SLC26A4: variants seen among roughly 807,000 people sequenced by gnomAD.
The protein encoded by SLC26A4 is pendrin.
A neutral mutation model predicts 90.4 loss-of-function variants in SLC26A4; 93 were observed. The observed-to-expected ratio is 1.03, with a 90% CI of 0.87 to 1.22. The LOEUF (loss-of-function observed/expected upper bound fraction) is 1.22. SLC26A4 is among the 50% of genes most tolerant of loss of function. The pLI is 0.00. For missense variants in SLC26A4, 1,127 were observed against 946.2 expected (o/e 1.19, Z -2.51); for synonymous variants, 393 against 354.6 (o/e 1.11, Z -1.22).
At chr7:107,667,396 G>A (rs374222613) in intron 3 of SLC26A4, among the ~76,000 whole-genome samples, 2 of 146,644 alleles carry the variant, frequency 1.4e-5, no homozygotes, top group Non-Finnish European at 3.0e-5. Context: ...AGAAAGCCTG[G>A]CGCAGGAAGT....
chr7:107,691,617 G>A (rs1042815056), intron 10 of SLC26A4, among the ~76,000 whole-genome samples: 3 of 151,400 alleles, frequency 2.0e-5, no homozygotes, highest in Non-Finnish European at 2.9e-5. Context: ...CTCCAACAGT[G>A]ACTTGCCCAG....
chr7:107,664,904 T>G (rs1027982734), intron 3 of SLC26A4, among the ~76,000 whole-genome samples: 10 of 152,280 alleles, frequency 6.6e-5, no homozygotes, highest in African/African-American at 2.4e-4. Flanking sequence ...TTATAATTTG[T>G]GAAACACCTA....
At chr7:107,686,291 C>A (rs1235569366) in intron 8 of SLC26A4, among the ~76,000 whole-genome samples, 1 of 83,200 alleles carries the variant, frequency 1.2e-5, no homozygotes, top group African/African-American at 4.6e-5. Context: ...CCCTCCCTTT[C>A]CTACCTTCCC....
chr7:107,681,354 G>T (rs1482375315), intron 6 of SLC26A4, among the ~76,000 whole-genome samples: 2 of 152,006 alleles, frequency 1.3e-5, no homozygotes, highest in African/African-American at 2.4e-5. Flanking sequence ...GAGAGCTGAG[G>T]TTGCTGGCAA....
At chr7:107,680,420 T>C (rs1045874564) in intron 6 of SLC26A4, among the ~76,000 whole-genome samples, 3 of 145,068 alleles carry the variant, frequency 2.1e-5, no homozygotes, top group Admixed American at 7.0e-5. Context: ...TATAATCTTA[T>C]ATTATTATAT....
Position 107,716,954 on chromosome 7 carries a change from G to A in SLC26A4, c.*1508G>A, listed in dbSNP as rs971598540. On this transcript the variant is annotated 3_prime_UTR_variant, in exon 21 of 21. Transcript: ENST00000644269. ...ATAGGATTAATGATCATACAAATGG[G>A]TTAATCCTGAATTCTGGTTGTAAAT... is the stretch of plus-strand genomic sequence containing the variant. 6 of 152,204 alleles carry A rather than the reference G, an allele frequency of 3.9e-5. No homozygotes were observed. The highest frequency in any genetic ancestry group is 3.3e-4 in the Admixed American group (5 of 15,280). The allele number at this position is 152,204 out of a possible 1,614,324, so 9.4% of individuals were successfully genotyped here.
chr7:107,663,485 CT>C (rs1423137834), intron 3 of SLC26A4, 50 bp downstream of exon 3: 4 of 1,602,898 alleles, frequency 2.5e-6, no homozygotes, highest in Non-Finnish European at 2.6e-6. Context: ...GAGTTTAACA[CT>C]TCTCCCCAGC....
chr7:107,679,033 G>A (rs1487698990), intron 6 of SLC26A4, among the ~76,000 whole-genome samples: 1 of 152,152 alleles, frequency 6.6e-6, no homozygotes, highest in Admixed American at 6.5e-5. Context: ...AAATAGGGGA[G>A]AAAATATTAG....
At position 107,715,775 on chromosome 7, in the gene SLC26A4, C is replaced by T; in HGVS notation, c.*329C>T. 1 of 384,438 alleles carries T rather than the reference C, an allele frequency of 2.6e-6. No homozygotes were observed. The highest frequency in any genetic ancestry group is 4.4e-5 in the East Asian group (1 of 22,552). The allele number at this position is 384,438 out of a possible 1,614,324, so 23.8% of individuals were successfully genotyped here. A position where few individuals can be genotyped will look rare whatever the true frequency, so the allele number is the denominator to read the frequency against. On this transcript the variant is annotated 3_prime_UTR_variant, in exon 21 of 21. Coordinates refer to ENST00000644269, the MANE Select transcript of SLC26A4 (RefSeq NM_000441.2). Reference sequence around the variant, plus strand: ...GTTAGAGTGAGTGCTGACCCAACAGCCTCTGTGGTCAAGCGAGTCACGAAT... The same window carrying T: ...GTTAGAGTGAGTGCTGACCCAACAGTCTCTGTGGTCAAGCGAGTCACGAAT...
chr7:107,713,569 G>A lies in SLC26A4; in HGVS notation c.2319+947G>A, dbSNP rs116167697. On this transcript the variant is annotated intron_variant, in intron 20 of 20. Transcript: ENST00000644269. ...TCCTTCTATTCCTTACAAACAAGCA[G>A]TCAGTGCTTCTCTGGTCACGATGGG... 8.9e-3 allele frequency among the ~76,000 whole-genome samples: 1,348 copies of A among 152,276 alleles called. 20 individuals carry two copies. Among genetic ancestry groups the A allele is most frequent in the African/African-American group, 0.031 (1,269 of 41,550 alleles).
intron 18 of SLC26A4, among the ~76,000 whole-genome samples, chr7:107,706,611 C>T (rs543542181): frequency 2.5e-4 from 38 of 152,296 alleles, no homozygotes; most frequent in African/African-American, 7.0e-4. Context: ...CAGGAAGGAA[C>T]GACTTTTTAT....
In SLC26A4 at chr7:107,705,082, G is replaced by A. The variant is rs188142910; in HGVS notation, c.2089+697G>A. 7.2e-5 allele frequency among the ~76,000 whole-genome samples: 11 copies of A among 152,290 alleles called. No homozygotes were observed. In the East Asian group the frequency reaches 1.7e-3, roughly 24 times the overall value. The stretch of plus-strand genomic sequence containing the variant: ...AAGGCTGCTCTACTCCTTCGTTCTG[G>A]CTACTAAAAGCTGCAAAGCTCTGGG... On this transcript the variant is annotated intron_variant, in intron 18 of 20. Transcript: ENST00000644269.
intron 6 of SLC26A4, among the ~76,000 whole-genome samples, chr7:107,679,098 A>G (rs1791104681): frequency 1.3e-5 from 2 of 152,262 alleles, no homozygotes; most frequent in Admixed American, 6.5e-5. Flanking sequence ...TGTAGGAGGC[A>G]GAAGGGAGAA....
chr7:107,679,300 G>A (rs1243070468), intron 6 of SLC26A4, among the ~76,000 whole-genome samples: 1 of 152,062 alleles, frequency 6.6e-6, no homozygotes, highest in Non-Finnish European at 1.5e-5. Flanking sequence ...TTGTTACTTT[G>A]TACCTATTTC....
intron 3 of SLC26A4, 25 bp from the exon 4 acceptor site, chr7:107,672,112 TG>T: frequency 7.1e-7 from 1 of 1,414,496 alleles, no homozygotes; most frequent in Non-Finnish European, 1.0e-6. Context: ...GGTTTGTGAA[TG>T]TAATCACTTT....
In SLC26A4 at chr7:107,663,612, G is replaced by A. The variant is rs138011270; in HGVS notation, c.304+177G>A. On this transcript the variant is annotated intron_variant, in intron 3 of 20. Coordinates refer to ENST00000644269, the MANE Select transcript of SLC26A4 (RefSeq NM_000441.2). ...CCCCTTCCTTAGAGTTCTCTTCCTG[G>A]GAAACTGCTGCCCCACTAGGTGCAG... Among the ~76,000 whole-genome samples the A allele has an allele frequency of 2.6e-5, 4 of 152,202 alleles. No homozygotes were observed. The East Asian group carries it at 7.7e-4, about 29-fold the overall frequency.
At position 107,703,872 on chromosome 7, in the gene SLC26A4, C is replaced by T. The variant is rs563642941; in HGVS notation, c.2035-459C>T. On this transcript the variant is annotated intron_variant, in intron 17 of 20. Transcript: ENST00000644269. The stretch of plus-strand genomic sequence containing the variant: ...GGAATAATATTTAGATCCTATATAC[C>T]CCTTACCCAGTTTCTCCCAATGAGT... 4.7e-4 allele frequency among the ~76,000 whole-genome samples: 71 copies of T among 152,118 alleles called. 1 individual carries two copies. In the South Asian group the frequency reaches 0.014, roughly 30 times the overall value.
Position 107,700,099 on chromosome 7 carries a change from G to A in SLC26A4, c.1631G>A (p.Gly544Glu), listed in dbSNP as rs1791845016. 1 of 1,567,516 alleles carries A rather than the reference G, an allele frequency of 6.4e-7. No homozygotes were observed. The highest frequency in any genetic ancestry group is 8.8e-7 in the Non-Finnish European group (1 of 1,137,616). ...KNYKNIEEPQ[G>E]VKILRFSSPI... Reference sequence around the variant, plus strand: ...TAATGCCAGATTGAAGAACCTCAAGGAGTGAAGATTCTTAGATTTTCCAGT... The same window carrying A: ...TAATGCCAGATTGAAGAACCTCAAGAAGTGAAGATTCTTAGATTTTCCAGT... The change falls in exon 15 of 21, where the codon GGA becomes GAA. Residue 544 changes from glycine to glutamate, a missense_variant. Transcript: ENST00000644269.
At chr7:107,681,563 C>T (rs1791230253) in intron 6 of SLC26A4, among the ~76,000 whole-genome samples, 1 of 146,166 alleles carries the variant, frequency 6.8e-6, no homozygotes, top group African/African-American at 2.5e-5. Flanking sequence ...TAAAAAAGCT[C>T]ATTTAAAGAA....
Sources: gnomAD v4.1 joint callset for allele counts (sites outside exome capture counted in the v4.1 genomes callset) on GRCh38, gnomAD v4.1.1 for gene constraint, MANE v1.5 for transcripts, NCBI Gene and HGNC (gene_info 2026-07-23, HGNC 2026-07-21) for gene names.